Variants in MAF observed in about 807,000 individuals in gnomAD.
MAF encodes MAF bZIP transcription factor.
MAF carries 10 observed loss-of-function variants against 22.0 expected under a neutral mutation model. The ratio of observed to expected loss-of-function variants is 0.45; its 90% CI spans 0.28 to 0.77. The LOEUF (loss-of-function observed/expected upper bound fraction) is 0.77, where lower values mean the gene tolerates loss of function less well. Ranked by LOEUF, MAF falls within the 30% of genes least tolerant of loss-of-function variation. The probability of loss-of-function intolerance (pLI) is 0.12; values close to 1 mark genes in which losing one functional copy is unlikely to be tolerated. For missense variants in MAF, 544 were observed against 548.4 expected (o/e 0.99, Z 0.08); for synonymous variants, 337 against 255.8 (o/e 1.32, Z -3.03).
the MAF span, among the ~76,000 whole-genome samples, chr16:79,392,623 C>T: frequency 6.6e-6 from 1 of 152,032 alleles, no homozygotes; most frequent in Non-Finnish European, 1.5e-5. Context: ...CAAAACAATG[C>T]CTAGGATGTT....
the MAF span, among the ~76,000 whole-genome samples, chr16:79,475,006 G>A: frequency 3.9e-5 from 6 of 152,332 alleles, no homozygotes; most frequent in Middle Eastern, 6.8e-3. Flanking sequence ...AGCAGAAGAT[G>A]TTCATTCTGT....
At chr16:79,527,062 C>G in the MAF span, among the ~76,000 whole-genome samples, 1 of 152,176 alleles carries the variant, frequency 6.6e-6, no homozygotes, top group Non-Finnish European at 1.5e-5. Flanking sequence ...CTCCAACACA[C>G]CAGTGCTGTG....
chr16:79,599,939 C>A lies in MAF; in HGVS notation c.-37G>T. The stretch of plus-strand genomic sequence containing the variant: ...CGCCGCCGCCGCCGCCGCCGCTCCG[C>A]CAGATGGGCTGCAGGAGAGGGGCCA... On this transcript the variant is annotated 5_prime_UTR_variant, in exon 1 of 2. Transcript: ENST00000326043. The A allele has an allele frequency of 6.3e-7, 1 of 1,597,936 alleles. No individual in the cohort carries two copies. The highest frequency in any genetic ancestry group is 8.5e-7 in the Non-Finnish European group (1 of 1,179,234).
chr16:79,492,849 G>C, the MAF span, among the ~76,000 whole-genome samples: 1 of 152,226 alleles, frequency 6.6e-6, no homozygotes, highest in Non-Finnish European at 1.5e-5. Flanking sequence ...GAAGTTAAGA[G>C]AGATATGAGA....
the MAF span, among the ~76,000 whole-genome samples, chr16:79,503,504 T>C: frequency 1.3e-5 from 2 of 152,236 alleles, no homozygotes; most frequent in Middle Eastern, 3.2e-3. Context: ...CTCTTCTCTT[T>C]TCTTTGAGAT....
chr16:79,403,618 A>G, the MAF span, among the ~76,000 whole-genome samples: 4 of 152,308 alleles, frequency 2.6e-5, no homozygotes, highest in South Asian at 2.1e-4. Flanking sequence ...TGCCTGACCC[A>G]CGAGGCTGGG....
the MAF span, among the ~76,000 whole-genome samples, chr16:79,413,849 A>G: frequency 6.6e-6 from 1 of 152,198 alleles, no homozygotes; most frequent in Non-Finnish European, 1.5e-5. Context: ...ATGATAACAC[A>G]TCGTTCATTC....
the MAF span, among the ~76,000 whole-genome samples, chr16:79,264,018 A>G: frequency 6.6e-6 from 1 of 152,218 alleles, no homozygotes; most frequent in South Asian, 2.1e-4. Flanking sequence ...CAAGACAACC[A>G]GTAGTCAAAG....
the MAF span, among the ~76,000 whole-genome samples, chr16:79,524,774 C>T: frequency 2.0e-5 from 3 of 152,082 alleles, no homozygotes; most frequent in Non-Finnish European, 2.9e-5. Flanking sequence ...ATTCTTTATC[C>T]CATTGGATAT....
chr16:79,527,935 A>C, the MAF span, among the ~76,000 whole-genome samples: 3 of 152,062 alleles, frequency 2.0e-5, no homozygotes, highest in Non-Finnish European at 4.4e-5. Flanking sequence ...TGAGGCCAGG[A>C]GTTTAAGACC....
At chr16:79,568,527 T>C in the MAF span, among the ~76,000 whole-genome samples, 1 of 152,194 alleles carries the variant, frequency 6.6e-6, no homozygotes, top group Non-Finnish European at 1.5e-5. Context: ...AAAACAGGCA[T>C]ACACTGAGGC....
chr16:79,320,868 T>C, the MAF span, among the ~76,000 whole-genome samples: 1 of 152,226 alleles, frequency 6.6e-6, no homozygotes, highest in Admixed American at 6.5e-5. Flanking sequence ...GAGAACCCCA[T>C]GCAGGAGGTA....
At chr16:79,523,431 G>A in the MAF span, among the ~76,000 whole-genome samples, 1 of 152,166 alleles carries the variant, frequency 6.6e-6, no homozygotes. Context: ...TTTCACACAT[G>A]TTACTTATTT....
chr16:79,552,859 C>A, the MAF span, among the ~76,000 whole-genome samples: 2 of 152,144 alleles, frequency 1.3e-5, no homozygotes, highest in Non-Finnish European at 2.9e-5. Flanking sequence ...CATGAGAGAC[C>A]AGAGCTATGA....
chr16:79,385,245 T>C, the MAF span, among the ~76,000 whole-genome samples: 1 of 152,210 alleles, frequency 6.6e-6, no homozygotes, highest in Non-Finnish European at 1.5e-5. Context: ...TTGAGGGAAA[T>C]AGCTAACTTG....
At chr16:79,344,290 A>G in the MAF span, among the ~76,000 whole-genome samples, 13 of 152,246 alleles carry the variant, frequency 8.5e-5, no homozygotes, top group Admixed American at 2.0e-4. Context: ...CTACCCAGCT[A>G]GTAAGTGACT....
At chr16:79,595,920 T>C in intron 1 of MAF, 2 of 1,059,882 alleles carry the variant, frequency 1.9e-6, no homozygotes, top group Non-Finnish European at 2.3e-6. Context: ...TCTTCAGTGT[T>C]AAAGAGAAAA....
chr16:79,374,972 C>G, the MAF span, among the ~76,000 whole-genome samples: 4 of 152,132 alleles, frequency 2.6e-5, no homozygotes, highest in Non-Finnish European at 5.9e-5. Context: ...ATAAGCTCAA[C>G]TATGTCCACA....
the MAF span, among the ~76,000 whole-genome samples, chr16:79,248,800 A>G: frequency 2.9e-5 from 3 of 102,130 alleles, no homozygotes; most frequent in Non-Finnish European, 6.5e-5. Context: ...AAAATTTACA[A>G]AAAAAAAAAA....
Sources: gnomAD v4.1 joint callset for allele counts (sites outside exome capture counted in the v4.1 genomes callset) on GRCh38, gnomAD v4.1.1 for gene constraint, MANE v1.5 for transcripts, NCBI Gene and HGNC (gene_info 2026-07-23, HGNC 2026-07-21) for gene names.